HMG20A: variants seen among roughly 807,000 people sequenced by gnomAD.
HMG20A encodes the protein high mobility group 20A.
A neutral mutation model predicts 43.9 loss-of-function variants in HMG20A; 17 were observed. That is an observed-to-expected ratio of 0.39 (90% CI 0.27 to 0.58). The LOEUF (loss-of-function observed/expected upper bound fraction) is 0.58, where lower values mean the gene tolerates loss of function less well. Ranked by LOEUF, HMG20A falls within the 20% of genes least tolerant of loss-of-function variation. The pLI is 0.59. For synonymous variants in HMG20A, 132 were observed against 147.5 expected (o/e 0.89, Z 0.76); for missense variants, 341 against 438.2 (o/e 0.78, Z 1.98).
chr15:77,439,454 T>C (rs1202592912), intron 1 of HMG20A, among the ~76,000 whole-genome samples: 2 of 152,178 alleles, frequency 1.3e-5, no homozygotes, highest in African/African-American at 2.4e-5. Flanking sequence ...TACGGTTGTT[T>C]TACTTGTTAT....
chr15:77,452,286 G>A (rs1323973039), intron 1 of HMG20A, among the ~76,000 whole-genome samples: 1 of 152,152 alleles, frequency 6.6e-6, no homozygotes, highest in African/African-American at 2.4e-5. Context: ...AAATTTAAAG[G>A]TAAACAAGGC....
chr15:77,477,652 T>G, intron 7 of HMG20A, 22 bp downstream of exon 7: 1 of 1,542,848 alleles, frequency 6.5e-7, no homozygotes, highest in Non-Finnish European at 8.9e-7. Flanking sequence ...AGTTTCTTTT[T>G]GTGTTTCTCA....
At position 77,477,597 on chromosome 15, in the gene HMG20A, A is replaced by G; in HGVS notation, c.658A>G (p.Ile220Val). 5.0e-6 allele frequency: 8 copies of G among 1,612,620 alleles called. No homozygotes were observed. The highest frequency in any genetic ancestry group is 2.2e-5 in the East Asian group (1 of 44,840). The change falls in exon 7 of 10, where the codon ATA becomes GTA. Residue 220 changes from isoleucine (I) to valine (V), a missense_variant. Ile to Val is a conservative substitution (Grantham distance 29). Transcript: ENST00000336216. ...VKERSVFDIP[I>V]FTEEFLNHSK... is the part of the protein sequence containing the mutation. ...GGAACGGTCTGTTTTTGACATCCCTATATTTACAGAGGAATTCTTGAACCA... is the reference window on the plus strand; with the variant it reads ...GGAACGGTCTGTTTTTGACATCCCTGTATTTACAGAGGAATTCTTGAACCA...
chr15:77,490,278 ACT>A (rs1480752893), downstream of HMG20A, among the ~76,000 whole-genome samples: 4 of 151,904 alleles, frequency 2.6e-5, no homozygotes, highest in Non-Finnish European at 2.9e-5. Flanking sequence ...ACAGAGCAAG[ACT>A]CTGTCTCAAA....
At chr15:77,474,621 T>C (rs1361841418) in intron 6 of HMG20A, among the ~76,000 whole-genome samples, 1 of 152,232 alleles carries the variant, frequency 6.6e-6, no homozygotes, top group African/African-American at 2.4e-5. Context: ...GGTTTGTGTA[T>C]AGTAAAGAAA....
chr15:77,460,026 G>A (rs933512892), intron 2 of HMG20A, among the ~76,000 whole-genome samples: 10 of 152,140 alleles, frequency 6.6e-5, no homozygotes, highest in African/African-American at 1.9e-4. Flanking sequence ...TCTGACTTAC[G>A]GTTTTATAAG....
the HMG20A span, among the ~76,000 whole-genome samples, chr15:77,492,248 G>T: frequency 6.6e-6 from 1 of 152,134 alleles, no homozygotes; most frequent in Non-Finnish European, 1.5e-5. Flanking sequence ...AAGTAGTAGT[G>T]ACCATAAATA....
the HMG20A span, among the ~76,000 whole-genome samples, chr15:77,492,061 A>G: frequency 3.1e-4 from 47 of 152,378 alleles, no homozygotes; most frequent in African/African-American, 1.1e-3. Context: ...GGTAAAGTCT[A>G]TGGACCCTTC....
the HMG20A span, among the ~76,000 whole-genome samples, chr15:77,519,789 C>G: frequency 6.6e-6 from 1 of 152,160 alleles, no homozygotes; most frequent in South Asian, 2.1e-4. Context: ...CATAACTCAC[C>G]CAATCAGAGT....
At chr15:77,445,466 A>T (rs890833180) in intron 1 of HMG20A, among the ~76,000 whole-genome samples, 1 of 152,224 alleles carries the variant, frequency 6.6e-6, no homozygotes, top group Non-Finnish European at 1.5e-5. Context: ...GCCCGAAACC[A>T]TGGATAGTAA....
the HMG20A span, among the ~76,000 whole-genome samples, chr15:77,518,672 C>T: frequency 1.3e-5 from 2 of 152,200 alleles, no homozygotes; most frequent in African/African-American, 2.4e-5. Flanking sequence ...CCTTGCCTCT[C>T]GCTTTGCACC....
intron 1 of HMG20A, among the ~76,000 whole-genome samples, chr15:77,432,647 T>C (rs952212228): frequency 4.1e-4 from 59 of 143,012 alleles, no homozygotes; most frequent in African/African-American, 1.4e-3. Context: ...ACTTGAACCC[T>C]GGAGGCGGAG....
rs1311602062 is a variant in HMG20A, at chr15:77,483,504, A to G, written c.*541A>G. The G allele has an allele frequency of 2.6e-5, 4 of 152,650 alleles. No homozygotes were observed. Among genetic ancestry groups the G allele is most frequent in the Non-Finnish European group, 5.9e-5 (4 of 68,092 alleles). 9.5% of individuals were successfully genotyped at this position (152,650 alleles called of 1,614,324 possible). A position where few individuals can be genotyped will look rare whatever the true frequency, so the allele number is the denominator to read the frequency against. On this transcript the variant is annotated 3_prime_UTR_variant, in exon 10 of 10. Transcript: ENST00000336216. The stretch of plus-strand genomic sequence containing the variant: ...AAGGTTCTGAAGGAGAGTTTCTTGC[A>G]TTGGACAGGCCCAGTCTTCTCCCAT...
intron 2 of HMG20A, 110 bp downstream of exon 2, chr15:77,458,606 C>T: frequency 1.8e-5 from 11 of 619,752 alleles, no homozygotes; most frequent in South Asian, 4.5e-5. Flanking sequence ...ATAGACGGTG[C>T]ACTTGTTTCA....
intron 1 of HMG20A, among the ~76,000 whole-genome samples, chr15:77,448,211 T>A (rs566349109): frequency 6.6e-6 from 1 of 152,228 alleles, no homozygotes; most frequent in Non-Finnish European, 1.5e-5. Flanking sequence ...TCATTCAGTC[T>A]GTTCTTAAAA....
At chr15:77,500,205 G>A in the HMG20A span, among the ~76,000 whole-genome samples, 4 of 152,082 alleles carry the variant, frequency 2.6e-5, no homozygotes, top group South Asian at 2.1e-4. Context: ...AATTCTATAC[G>A]ATAAGAATTA....
chr15:77,442,989 T>C (rs1028845031), intron 1 of HMG20A, among the ~76,000 whole-genome samples: 3 of 151,882 alleles, frequency 2.0e-5, no homozygotes, highest in Non-Finnish European at 2.9e-5. Flanking sequence ...GGAAAGTAAT[T>C]ATTCATAATT....
At chr15:77,430,685 G>T (rs10519167) in intron 1 of HMG20A, among the ~76,000 whole-genome samples, 36,784 of 152,136 alleles carry the variant, frequency 0.24, 5,167 homozygotes, top group Middle Eastern at 0.37. Flanking sequence ...CTTGGGTCAA[G>T]ATCCCTAGAG....
At chr15:77,478,544 G>A in intron 8 of HMG20A, 34 bp downstream of exon 8, 2 of 1,564,670 alleles carry the variant, frequency 1.3e-6, no homozygotes, top group Middle Eastern at 2.3e-4. Flanking sequence ...GTCAGTGACA[G>A]GGGTGTGTGT....
Sources: allele counts gnomAD v4.1 joint callset (sites outside exome capture counted in the v4.1 genomes callset), GRCh38; gene constraint gnomAD v4.1.1; transcripts MANE v1.5; gene names NCBI Gene and HGNC (gene_info 2026-07-23, HGNC 2026-07-21).